Variants in HCN1 observed in about 807,000 individuals in gnomAD.
HCN1 encodes the protein hyperpolarization activated cyclic nucleotide gated potassium channel 1.
HCN1 carries 13 observed loss-of-function variants against 78.9 expected under a neutral mutation model. The observed-to-expected ratio is 0.16, with a 90% CI of 0.11 to 0.26. The LOEUF is 0.26. Ranked by LOEUF, HCN1 falls within the 10% of genes least tolerant of loss-of-function variation. The pLI, the probability that HCN1 is intolerant of heterozygous loss-of-function variation, is 1.00. For synonymous variants in HCN1, 552 were observed against 455.5 expected (o/e 1.21, Z -2.70); for missense variants, 810 against 1,154.3 (o/e 0.70, Z 4.32).
intron 5 of HCN1, among the ~76,000 whole-genome samples, chr5:45,321,276 A>G (rs1479453476): frequency 6.6e-6 from 1 of 151,906 alleles, no homozygotes; most frequent in Non-Finnish European, 1.5e-5. Context: ...GGTAGTTCGC[A>G]TATTATATCT....
intron 2 of HCN1, among the ~76,000 whole-genome samples, chr5:45,532,871 T>C (rs1742887898): frequency 6.6e-6 from 1 of 152,200 alleles, no homozygotes; most frequent in Non-Finnish European, 1.5e-5. Flanking sequence ...AAATGGAACT[T>C]TGTGAAGAAA....
At chr5:45,571,640 C>G (rs189180297) in intron 2 of HCN1, among the ~76,000 whole-genome samples, 1 of 152,122 alleles carries the variant, frequency 6.6e-6, no homozygotes, top group Non-Finnish European at 1.5e-5. Context: ...TGAGGACAGA[C>G]GCGGTGTCTC....
At chr5:45,268,853 A>G (rs766818372) in intron 6 of HCN1, among the ~76,000 whole-genome samples, 2 of 152,214 alleles carry the variant, frequency 1.3e-5, no homozygotes, top group Non-Finnish European at 2.9e-5. Flanking sequence ...TTACCATACC[A>G]TGGAATTTAC....
intron 4 of HCN1, among the ~76,000 whole-genome samples, chr5:45,388,405 T>C (rs1289825288): frequency 6.6e-6 from 1 of 152,318 alleles, no homozygotes; most frequent in Non-Finnish European, 1.5e-5. Context: ...GTTCTCTTCC[T>C]CTTGTCATGA....
intron 2 of HCN1, among the ~76,000 whole-genome samples, chr5:45,595,508 G>A (rs1052656394): frequency 1.3e-5 from 2 of 151,922 alleles, no homozygotes; most frequent in Non-Finnish European, 2.9e-5. Context: ...AGGCTATATT[G>A]AAGCTGTGGA....
At chr5:45,342,413 T>C (rs1206332967) in intron 5 of HCN1, among the ~76,000 whole-genome samples, 1 of 150,622 alleles carries the variant, frequency 6.6e-6, no homozygotes, top group African/African-American at 2.5e-5. Flanking sequence ...TTTTTTTGTA[T>C]TTTTTATTAG....
intron 3 of HCN1, among the ~76,000 whole-genome samples, chr5:45,456,958 C>T (rs1199255581): frequency 6.6e-6 from 1 of 151,962 alleles, no homozygotes; most frequent in African/African-American, 2.4e-5. Flanking sequence ...CAACCTGCTC[C>T]AACTACAAAA....
chr5:45,406,910 A>T (rs1190763227), intron 3 of HCN1, among the ~76,000 whole-genome samples: 1 of 152,180 alleles, frequency 6.6e-6, no homozygotes, highest in African/African-American at 2.4e-5. Flanking sequence ...CTTTCCTATT[A>T]GTCAAAAACT....
chr5:45,498,801 A>G (rs948140658), intron 2 of HCN1, among the ~76,000 whole-genome samples: 1 of 152,154 alleles, frequency 6.6e-6, no homozygotes, highest in Non-Finnish European at 1.5e-5. Flanking sequence ...TCCTTCTAAC[A>G]GACAGGACCC....
At chr5:45,449,933 C>T (rs561192494) in intron 3 of HCN1, among the ~76,000 whole-genome samples, 4 of 152,158 alleles carry the variant, frequency 2.6e-5, no homozygotes, top group East Asian at 3.9e-4. Flanking sequence ...CCAGGGTTCA[C>T]GCCATTCTCC....
Position 45,641,540 on chromosome 5 carries a change from G to T in HCN1, c.849+3645C>A, listed in dbSNP as rs184233165. On this transcript the variant is annotated intron_variant, in intron 2 of 7. Coordinates refer to ENST00000303230, the MANE Select transcript of HCN1 (RefSeq NM_021072.4). ...CCAGTTCTATACAAAGGAGGTTGGG[G>T]AGATAGGAAATGATGAATAAAAAGT... Among the ~76,000 whole-genome samples, 48 of 152,198 alleles carry T rather than the reference G, an allele frequency of 3.2e-4. 1 individual carries two copies. In the East Asian group the frequency reaches 7.2e-3, roughly 23 times the overall value.
chr5:45,691,236 T>C (rs1390435708), intron 1 of HCN1, among the ~76,000 whole-genome samples: 2 of 152,098 alleles, frequency 1.3e-5, no homozygotes, highest in African/African-American at 4.8e-5. Context: ...TAAACCCAAG[T>C]CCACATAATT....
chr5:45,309,475 C>T (rs1299430948), intron 5 of HCN1, among the ~76,000 whole-genome samples: 1 of 152,048 alleles, frequency 6.6e-6, no homozygotes, highest in Non-Finnish European at 1.5e-5. Context: ...CAGCTTTTGC[C>T]TATTCAGTAT....
At chr5:45,376,345 T>G (rs1214593592) in intron 4 of HCN1, among the ~76,000 whole-genome samples, 59 of 96,928 alleles carry the variant, frequency 6.1e-4, no homozygotes, top group African/African-American at 2.0e-3. Flanking sequence ...ATATTATATA[T>G]ATATAGAGAG....
chr5:45,592,131 T>C (rs2111945580), intron 2 of HCN1, among the ~76,000 whole-genome samples: 1 of 152,312 alleles, frequency 6.6e-6, no homozygotes, highest in South Asian at 2.1e-4. Context: ...CTGGGCTCTG[T>C]ATTCTACCAG....
chr5:45,665,644 A>T (rs1746028528), intron 1 of HCN1, among the ~76,000 whole-genome samples: 1 of 152,048 alleles, frequency 6.6e-6, no homozygotes, highest in Non-Finnish European at 1.5e-5. Flanking sequence ...GGATCTTATA[A>T]ATGCATCAAA....
intron 3 of HCN1, among the ~76,000 whole-genome samples, chr5:45,403,663 A>G (rs1739867045): frequency 6.6e-6 from 1 of 152,170 alleles, no homozygotes; most frequent in African/African-American, 2.4e-5. Context: ...GAGAACTACA[A>G]TTCAAGATGA....
intron 4 of HCN1, among the ~76,000 whole-genome samples, chr5:45,371,916 T>C (rs1407536928): frequency 9.3e-6 from 1 of 108,002 alleles, no homozygotes; most frequent in East Asian, 2.5e-4. Context: ...ATAAAAAATA[T>C]ATAATATACA....
At chr5:45,592,480 A>G (rs976019171) in intron 2 of HCN1, among the ~76,000 whole-genome samples, 2 of 152,176 alleles carry the variant, frequency 1.3e-5, no homozygotes, top group African/African-American at 2.4e-5. Flanking sequence ...CTAATTAGCT[A>G]TTGATTTTCA....
Sources: allele counts gnomAD v4.1 joint callset (sites outside exome capture counted in the v4.1 genomes callset), GRCh38; gene constraint gnomAD v4.1.1; transcripts MANE v1.5; gene names NCBI Gene and HGNC (gene_info 2026-07-23, HGNC 2026-07-21).